The following DHX15 variants were observed in gnomAD, a reference collection of about 807,000 sequenced individuals.
The protein encoded by DHX15 is ATP-dependent RNA helicase DHX15.
A neutral mutation model predicts 94.4 loss-of-function variants in DHX15; 11 were observed. That is an observed-to-expected ratio of 0.12 (90% CI 0.07 to 0.19). The LOEUF (loss-of-function observed/expected upper bound fraction) is 0.19. Ranked by LOEUF, DHX15 falls within the 10% of genes least tolerant of loss-of-function variation. The pLI, the probability that DHX15 is intolerant of heterozygous loss-of-function variation, is 1.00. For missense variants in DHX15, 304 were observed against 988.5 expected (o/e 0.31, Z 9.29); for synonymous variants, 338 against 329.9 (o/e 1.02, Z -0.27).
chr4:24,540,675 T>A (rs1721291049), intron 9 of DHX15, among the ~76,000 whole-genome samples, 165 bp downstream of exon 9: 1 of 151,998 alleles, frequency 6.6e-6, no homozygotes, highest in African/African-American at 2.4e-5. Context: ...CATATAACTG[T>A]CACCTTTTTT....
chr4:24,560,467 T>G (rs901369825), intron 3 of DHX15, among the ~76,000 whole-genome samples: 2 of 152,060 alleles, frequency 1.3e-5, no homozygotes, highest in Non-Finnish European at 2.9e-5. Context: ...ATCATAAAAG[T>G]GGTTAATTCA....
At chr4:24,549,565 G>T (rs1217023655) in intron 5 of DHX15, among the ~76,000 whole-genome samples, 1 of 152,136 alleles carries the variant, frequency 6.6e-6, no homozygotes, top group Non-Finnish European at 1.5e-5. Context: ...TTTTTTCTCA[G>T]AAAACTACAG....
chr4:24,540,976 T>G, intron 8 of DHX15, 28 bp from the exon 9 acceptor site: 1 of 1,444,990 alleles, frequency 6.9e-7, no homozygotes, highest in Non-Finnish European at 9.6e-7. Flanking sequence ...CATTTATTGG[T>G]TATGTTAAAA....
chr4:24,530,064 T>C (rs547114902), intron 12 of DHX15: 14 of 447,764 alleles, frequency 3.1e-5, no homozygotes, highest in South Asian at 3.1e-4. Flanking sequence ...CATGTAAAAT[T>C]CAAACTTCAG....
At chr4:24,556,169 G>T in intron 4 of DHX15, 82 bp downstream of exon 4, 3 of 1,085,992 alleles carry the variant, frequency 2.8e-6, no homozygotes, top group African/African-American at 3.2e-5. Flanking sequence ...TCTTACAGTT[G>T]GTTATTGATC....
intron 2 of DHX15, among the ~76,000 whole-genome samples, chr4:24,572,347 GCTGGTGTCGAACTC>G (rs1363095705): frequency 3.0e-4 from 45 of 152,198 alleles, no homozygotes; most frequent in Admixed American, 1.0e-3. Flanking sequence ...CGTTGGGCAA[GCTGGTGTCGAACTC>G]CTGACCTCAG....
chr4:24,542,450 C>A (rs1031626015), intron 7 of DHX15, among the ~76,000 whole-genome samples: 1 of 152,110 alleles, frequency 6.6e-6, no homozygotes, highest in African/African-American at 2.4e-5. Context: ...ATCAATTTAT[C>A]CAAAAGATAT....
At chr4:24,558,423 A>G (rs992120698) in intron 3 of DHX15, among the ~76,000 whole-genome samples, 4 of 152,172 alleles carry the variant, frequency 2.6e-5, no homozygotes, top group Non-Finnish European at 5.9e-5. Context: ...CTCAAGCTTT[A>G]ATCAATCACA....
Position 24,537,031 on chromosome 4 carries a change from CCAAT to C in DHX15, c.1909+16_1909+19del, listed in dbSNP as rs1272360467. On this transcript the variant is annotated intron_variant, in intron 11 of 13. Transcript: ENST00000336812. The surrounding 1 kb of genome is among the most constrained non-coding windows in gnomAD (Gnocchi z 4.7). ...AAGTGACATTTAGACAAGAGTGTCTCCAATCAAATTTACACTTACTTTGTTTAAA... is the reference window on the plus strand; with the variant it reads ...AAGTGACATTTAGACAAGAGTGTCTCCAAATTTACACTTACTTTGTTTAAA... The C allele has an allele frequency of 4.4e-6, 7 of 1,609,112 alleles. No homozygotes were observed. The highest frequency in any genetic ancestry group is 2.2e-5 in the East Asian group (1 of 44,816).
chr4:24,527,887 G>A lies in DHX15; in HGVS notation c.*37C>T. 1 of 1,457,504 alleles carries A rather than the reference G, an allele frequency of 6.9e-7. No individual in the cohort carries two copies. Among genetic ancestry groups the A allele is most frequent in the Non-Finnish European group, 9.6e-7 (1 of 1,039,630 alleles). The allele number at this position is 1,457,504 out of a possible 1,614,324, so 90.3% of individuals were successfully genotyped here. A position where few individuals can be genotyped will look rare whatever the true frequency, so the allele number is the denominator to read the frequency against. On this transcript the variant is annotated 3_prime_UTR_variant, in exon 14 of 14. Transcript: ENST00000336812. ...CTTTTGAGTTCATTCATCTTTTAAA[G>A]CTGTCCTCTCAATAACTTCAGTTCT...
At chr4:24,530,547 A>G (rs1046618066) in intron 12 of DHX15, 6 of 152,190 alleles carry the variant, frequency 3.9e-5, no homozygotes, top group African/African-American at 1.4e-4. Flanking sequence ...ACTGCACTCC[A>G]GCCTGGGCGA....
At chr4:24,544,204 A>G in intron 6 of DHX15, among the ~76,000 whole-genome samples, 1 of 152,292 alleles carries the variant, frequency 6.6e-6, no homozygotes, top group Middle Eastern at 3.4e-3. Context: ...ATTTTATTTT[A>G]AAAACACTTA....
chr4:24,548,140 CTTTTTTTTTTTTT>C (rs71196189), intron 6 of DHX15, among the ~76,000 whole-genome samples: 1 of 108,164 alleles, frequency 9.2e-6, no homozygotes, highest in South Asian at 3.2e-4. Context: ...ATCAGTGCTA[CTTTTTTTTTTTTT>C]TTTTTTTTTG....
intron 1 of DHX15, chr4:24,580,770 G>A (rs971685407): frequency 6.6e-6 from 1 of 152,066 alleles, no homozygotes; most frequent in Non-Finnish European, 1.5e-5. Context: ...CATTCGCCTA[G>A]GCCTCCCAAA....
rs144639280 is a variant in DHX15 at position 24,555,872 on chromosome 4, A to G, written c.861+379T>C. 5.3e-4 allele frequency among the ~76,000 whole-genome samples: 81 copies of G among 152,124 alleles called. No homozygotes were observed. The East Asian group carries it at 9.7e-3, about 18-fold the overall frequency. On this transcript the variant is annotated intron_variant, in intron 4 of 13. Transcript: ENST00000336812. Reference sequence around the variant, plus strand: ...ATAGTTATTTCCACTCTCCAGCATTATAAGTTACAATGGGTGTTTGTGATG... The same window carrying G: ...ATAGTTATTTCCACTCTCCAGCATTGTAAGTTACAATGGGTGTTTGTGATG...
intron 1 of DHX15, among the ~76,000 whole-genome samples, chr4:24,582,399 G>A (rs1468863183): frequency 6.6e-6 from 1 of 152,102 alleles, no homozygotes; most frequent in Non-Finnish European, 1.5e-5. Flanking sequence ...GTAAACAATC[G>A]CACATACATA....
In DHX15 at chr4:24,527,920, G is replaced by T; in HGVS notation, c.*4C>A. ...CTCAATAACTTCAGTTCTAAGCACTGAATTCAGTACTGTGAATATTCCTTG... is the reference window on the plus strand; with the variant it reads ...CTCAATAACTTCAGTTCTAAGCACTTAATTCAGTACTGTGAATATTCCTTG... On this transcript the variant is annotated 3_prime_UTR_variant, in exon 14 of 14. Coordinates refer to ENST00000336812, the MANE Select transcript of DHX15 (RefSeq NM_001358.3). 2 of 1,598,632 alleles carry T rather than the reference G, an allele frequency of 1.3e-6. No individual in the cohort carries two copies. Among genetic ancestry groups the T allele is most frequent in the Non-Finnish European group, 8.6e-7 (1 of 1,166,174 alleles).
chr4:24,572,712 G>A (rs1298894457), intron 2 of DHX15, among the ~76,000 whole-genome samples: 1 of 152,146 alleles, frequency 6.6e-6, no homozygotes, highest in Non-Finnish European at 1.5e-5. Context: ...AACTTAGCTA[G>A]AAGAGTGCGT....
At position 24,584,370 on chromosome 4, in the gene DHX15, G is replaced by A; in HGVS notation, c.24C>T (p.Asp8=). 6.2e-7 allele frequency: 1 copy of A among 1,613,034 alleles called. No individual in the cohort carries two copies. Among genetic ancestry groups the A allele is most frequent in the Non-Finnish European group, 8.5e-7 (1 of 1,179,564 alleles). Residue 8 remains aspartate, a synonymous_variant, in exon 1 of 14, where the codon GAC becomes GAT. Coordinates refer to ENST00000336812, the MANE Select transcript of DHX15 (RefSeq NM_001358.3). MSKRHRL[D]LGEDYPSGKK... ...TGCCAGAGGGGTAATCCTCCCCTAGGTCCAACCGGTGCCGCTTGGACATCC... is the reference window on the plus strand; with the variant it reads ...TGCCAGAGGGGTAATCCTCCCCTAGATCCAACCGGTGCCGCTTGGACATCC...
Sources: gnomAD v4.1 joint callset for allele counts (sites outside exome capture counted in the v4.1 genomes callset) on GRCh38, gnomAD v4.1.1 for gene constraint, Gnocchi (gnomAD v3.1) non-coding constraint, MANE v1.5 for transcripts, NCBI Gene and HGNC (gene_info 2026-07-23, HGNC 2026-07-21) for gene names.